The following HDAC8 variants were observed in gnomAD, a reference collection of about 807,000 sequenced individuals.
The protein encoded by HDAC8 is histone deacetylase 8, also known as histone deacetylase-like 1.
In HDAC8, 1 loss-of-function variant was observed where a neutral mutation model predicts 32.2. That is an observed-to-expected ratio of 0.03 (90% CI 0.01 to 0.15). The LOEUF is 0.15. Among genes scored for constraint, HDAC8 ranks in the 10% least tolerant of loss-of-function variants. HDAC8 has a pLI of 1.00. For synonymous variants in HDAC8, 108 were observed against 113.9 expected (o/e 0.95, Z 0.33); for missense variants, 117 against 300.0 (o/e 0.39, Z 4.51).
At chrX:72,510,126 G>A (rs781973574) in intron 4 of HDAC8, among the ~76,000 whole-genome samples, 4 of 111,800 alleles carry the variant, frequency 3.6e-5, no homozygotes, top group African/African-American at 6.5e-5. Flanking sequence ...ATGAGCCAGC[G>A]TCAAACTGGA....
chrX:72,391,795 C>G (rs1359069497), intron 9 of HDAC8, among the ~76,000 whole-genome samples: 1 of 111,237 alleles, frequency 9.0e-6, no homozygotes, highest in African/African-American at 3.3e-5. Context: ...CTTTGTGAAC[C>G]CTTCTGACAC....
intron 9 of HDAC8, among the ~76,000 whole-genome samples, chrX:72,396,770 G>A (rs1833914703): frequency 9.0e-6 from 1 of 110,677 alleles, no homozygotes; most frequent in African/African-American, 3.3e-5. Flanking sequence ...GGAGGTTGAG[G>A]TAGGAGGATC....
chrX:72,423,554 T>G (rs2046550804), intron 9 of HDAC8, among the ~76,000 whole-genome samples: 1 of 112,216 alleles, frequency 8.9e-6, no homozygotes, highest in Non-Finnish European at 1.9e-5. Context: ...TATTCTAAAA[T>G]TTTTGGCTAA....
intron 10 of HDAC8, among the ~76,000 whole-genome samples, chrX:72,343,614 G>A (rs1248824869): frequency 1.8e-5 from 2 of 110,166 alleles, no homozygotes; most frequent in Admixed American, 9.7e-5. Context: ...GTTGTTTATT[G>A]TCTATCTTCC....
At position 72,559,495 on chromosome X, in the gene HDAC8, G is replaced by T. The variant is rs1355900890; in HGVS notation, c.437+8394C>A. Among the ~76,000 whole-genome samples, 3 of 110,016 alleles carry T rather than the reference G, an allele frequency of 2.7e-5. No individual in the cohort carries two copies. The Admixed American group carries it at 2.9e-4, about 10-fold the overall frequency. On this transcript the variant is annotated intron_variant, in intron 4 of 10. Transcript: ENST00000373573. ...GCAGCCTCTGCCCGGCCGCCACCCC[G>T]TCTGGGAAGTGAGGAGCGTCTCTGC...
chrX:72,544,005 T>G (rs1232662773), intron 4 of HDAC8, among the ~76,000 whole-genome samples: 1 of 112,482 alleles, frequency 8.9e-6, no homozygotes, highest in Non-Finnish European at 1.9e-5. Context: ...ATGCTGTGAC[T>G]GGGGTAAATG....
At chrX:72,402,564 G>A (rs782563397) in intron 9 of HDAC8, among the ~76,000 whole-genome samples, 37 of 109,664 alleles carry the variant, frequency 3.4e-4, no homozygotes, top group African/African-American at 1.2e-3. Flanking sequence ...TCATTCATCC[G>A]AAGTATTTTC....
chrX:72,375,383 C>T (rs376294510), intron 9 of HDAC8, among the ~76,000 whole-genome samples: 4 of 111,860 alleles, frequency 3.6e-5, no homozygotes, highest in East Asian at 2.8e-4. Context: ...CATCTGCAAA[C>T]CGGAGTCCAA....
chrX:72,436,813 G>A (rs2046963700), intron 9 of HDAC8, among the ~76,000 whole-genome samples: 1 of 111,274 alleles, frequency 9.0e-6, no homozygotes, highest in African/African-American at 3.3e-5. Context: ...AGGGAGGAAG[G>A]TACAGAAACA....
At chrX:72,508,135 A>T (rs1167032787) in intron 4 of HDAC8, among the ~76,000 whole-genome samples, 2 of 112,293 alleles carry the variant, frequency 1.8e-5, no homozygotes, top group Non-Finnish European at 3.8e-5. Flanking sequence ...GATTTCCAAT[A>T]ATGTTTTCTT....
chrX:72,569,169 G>T (rs1255839654), intron 2 of HDAC8, among the ~76,000 whole-genome samples: 1 of 112,326 alleles, frequency 8.9e-6, no homozygotes, highest in Non-Finnish European at 1.9e-5. Context: ...AAATAATCAG[G>T]TATCAGACAG....
intron 4 of HDAC8, among the ~76,000 whole-genome samples, chrX:72,504,899 T>A (rs1282727754): frequency 9.0e-6 from 1 of 111,152 alleles, no homozygotes; most frequent in Non-Finnish European, 1.9e-5. Context: ...ATTCTAGCCA[T>A]CCTAGTATGT....
chrX:72,385,461 TCAAAAC>T (rs2045398864), intron 9 of HDAC8, among the ~76,000 whole-genome samples: 1 of 110,239 alleles, frequency 9.1e-6, no homozygotes, highest in African/African-American at 3.3e-5. Flanking sequence ...AGACCTCATC[TCAAAAC>T]CAAAACCAAA....
At chrX:72,470,205 A>C (rs868979587) in intron 7 of HDAC8, among the ~76,000 whole-genome samples, 3 of 102,047 alleles carry the variant, frequency 2.9e-5, no homozygotes, top group Non-Finnish European at 4.1e-5. Context: ...TACATACATA[A>C]ATACAACATA....
At chrX:72,387,706 G>A (rs986952051) in intron 9 of HDAC8, among the ~76,000 whole-genome samples, 1 of 112,002 alleles carries the variant, frequency 8.9e-6, no homozygotes, top group African/African-American at 3.2e-5. Flanking sequence ...ACAGTGCCAG[G>A]CACATAGTAA....
chrX:72,525,641 G>A (rs2050119203), intron 4 of HDAC8, among the ~76,000 whole-genome samples: 1 of 108,139 alleles, frequency 9.2e-6, no homozygotes, highest in Non-Finnish European at 1.9e-5. Context: ...GTGAAACCCC[G>A]TCACTACTAA....
chrX:72,490,475 T>C (rs2048829656), intron 6 of HDAC8, among the ~76,000 whole-genome samples: 1 of 106,725 alleles, frequency 9.4e-6, no homozygotes, highest in African/African-American at 3.4e-5. Flanking sequence ...AAATTGGAAA[T>C]CATCATTCTC....
At chrX:72,491,749 A>T (rs1197649771) in intron 5 of HDAC8, among the ~76,000 whole-genome samples, 1 of 111,527 alleles carries the variant, frequency 9.0e-6, no homozygotes, top group Admixed American at 9.5e-5. Context: ...TGGGATTTAA[A>T]GTAACCCTCA....
chrX:72,533,922 G>T (rs1174864281), intron 4 of HDAC8, among the ~76,000 whole-genome samples: 2 of 111,135 alleles, frequency 1.8e-5, no homozygotes, highest in Admixed American at 1.9e-4. Context: ...AAGACTAGAT[G>T]CTTTCCCCAT....
Sources: allele counts gnomAD v4.1 joint callset (sites outside exome capture counted in the v4.1 genomes callset), GRCh38; gene constraint gnomAD v4.1.1; transcripts MANE v1.5; gene names NCBI Gene and HGNC (gene_info 2026-07-23, HGNC 2026-07-21).